Variants in FXYD6 observed in about 807,000 individuals in gnomAD.
FXYD6 encodes the protein FXYD domain-containing ion transport regulator 6.
A neutral mutation model predicts 16.7 loss-of-function variants in FXYD6; 7 were observed. That is an observed-to-expected ratio of 0.42 (90% confidence interval 0.24 to 0.79). The LOEUF is 0.79. Ranked by LOEUF, FXYD6 falls within the 30% of genes least tolerant of loss-of-function variation. The pLI is 0.28. For synonymous variants in FXYD6, 49 were observed against 43.0 expected (o/e 1.14, Z -0.54); for missense variants, 111 against 116.2 (o/e 0.95, Z 0.21).
At chr11:117,860,570 T>G (rs1054683086) in intron 1 of FXYD6, among the ~76,000 whole-genome samples, 1 of 152,080 alleles carries the variant, frequency 6.6e-6, no homozygotes, top group Non-Finnish European at 1.5e-5. Context: ...TTTACTCGGG[T>G]GGGGGATTTT....
At position 117,841,834 on chromosome 11, in the gene FXYD6, C is replaced by G; in HGVS notation, c.129G>C (p.Val43=). 6.2e-7 allele frequency: 1 copy of G among 1,613,958 alleles called. No individual in the cohort carries two copies. The highest frequency in any genetic ancestry group is 8.5e-7 in the Non-Finnish European group (1 of 1,180,022). Residue 43 remains valine (V), a synonymous_variant, in exon 4 of 8, where the codon GTG becomes GTC. Coordinates refer to ENST00000526014, the MANE Select transcript of FXYD6 (RefSeq NM_022003.4). The part of the protein sequence containing the change: ...DYQTLRIGGL[V]FAVVLFSVGI... ...CAACCGAGAAGAGGACCACAGCGAA[C>G]ACCAGTCCCCCAATCCTCAGGGTCT...
chr11:117,874,583 G>C (rs560265970), intron 1 of FXYD6, among the ~76,000 whole-genome samples: 77 of 152,288 alleles, frequency 5.1e-4, no homozygotes, highest in Non-Finnish European at 8.7e-4. Context: ...CCCTGGCCTG[G>C]CCTCCTTGGC....
intron 1 of FXYD6, among the ~76,000 whole-genome samples, chr11:117,850,040 A>T (rs116493532): frequency 9.2e-5 from 14 of 152,328 alleles, no homozygotes; most frequent in African/African-American, 3.4e-4. Context: ...GAATGCCACA[A>T]ACCCTGACTA....
At chr11:117,865,415 C>G (rs1327774747) in intron 1 of FXYD6, among the ~76,000 whole-genome samples, 1 of 152,198 alleles carries the variant, frequency 6.6e-6, no homozygotes, top group Non-Finnish European at 1.5e-5. Context: ...TTTGTAAACC[C>G]ATGTTCATAG....
chr11:117,841,043 G>T, intron 5 of FXYD6, 105 bp downstream of exon 5: 1 of 1,461,470 alleles, frequency 6.8e-7, no homozygotes, highest in Non-Finnish European at 9.4e-7. Context: ...TTCTGCCTCC[G>T]AGACAAGAAT....
chr11:117,837,927 G>T lies in FXYD6; in HGVS notation c.*372C>A. ...AGGGCCACGGGGGCAGGGAGGAGCA[G>T]ATGGCCATGTGGCTCAGCCCCTGCC... On this transcript the variant is annotated 3_prime_UTR_variant, in exon 8 of 8. Coordinates refer to ENST00000526014, the MANE Select transcript of FXYD6 (RefSeq NM_022003.4). The surrounding 1 kb of genome is among the most constrained non-coding windows in gnomAD (Gnocchi z 4.4). 2.2e-6 allele frequency: 1 copy of T among 459,972 alleles called. No homozygotes were observed. The highest frequency in any genetic ancestry group is 3.8e-5 in the East Asian group (1 of 26,440). 28.5% of individuals were successfully genotyped at this position (459,972 alleles called of 1,614,324 possible). A position where few individuals can be genotyped will look rare whatever the true frequency, so the allele number is the denominator to read the frequency against.
intron 1 of FXYD6, chr11:117,868,874 T>C (rs948444755): frequency 6.6e-6 from 1 of 152,166 alleles, no homozygotes; most frequent in African/African-American, 2.4e-5. Flanking sequence ...CTCAACCCCA[T>C]CCCAGCACTC....
At chr11:117,846,735 G>C (rs2056479465) in intron 1 of FXYD6, among the ~76,000 whole-genome samples, 1 of 152,158 alleles carries the variant, frequency 6.6e-6, no homozygotes, top group South Asian at 2.1e-4. Flanking sequence ...CAATTTGTCT[G>C]TACTGCATTA....
At chr11:117,845,092 G>A (rs1339040185) in intron 1 of FXYD6, among the ~76,000 whole-genome samples, 2 of 152,066 alleles carry the variant, frequency 1.3e-5, no homozygotes, top group Non-Finnish European at 2.9e-5. Flanking sequence ...CACCAATCTC[G>A]GGTTCCAAGA....
chr11:117,865,116 T>C (rs2056987293), intron 1 of FXYD6, among the ~76,000 whole-genome samples: 1 of 152,160 alleles, frequency 6.6e-6, no homozygotes, highest in Non-Finnish European at 1.5e-5. Context: ...GGAAAGATGC[T>C]CAACCTCAAT....
chr11:117,848,397 A>ATT lies in FXYD6; in HGVS notation c.-5-5618_-5-5617dup, dbSNP rs57830951. Among the ~76,000 whole-genome samples the ATT allele has an allele frequency of 7.9e-4, 116 of 147,182 alleles. No individual in the cohort carries two copies. In the Middle Eastern group the frequency reaches 0.011, roughly 14 times the overall value. ...TCCCTGCATTTCTGAAATGAAACCA[A>ATT]TTTTTTTTTTTTTTTTAATAAACAG... is the stretch of plus-strand genomic sequence containing the variant. On this transcript the variant is annotated intron_variant, in intron 1 of 7. Coordinates refer to ENST00000526014, the MANE Select transcript of FXYD6 (RefSeq NM_022003.4).
intron 2 of FXYD6, 104 bp downstream of exon 2, chr11:117,842,613 TGA>T: frequency 1.7e-6 from 2 of 1,163,038 alleles, no homozygotes; most frequent in South Asian, 1.4e-5. Flanking sequence ...ATGAAGAACG[TGA>T]GAGTCCCCCA....
rs562684668 is a variant in FXYD6, at chr11:117,874,622, C to T, written c.-6+1970G>A. On this transcript the variant is annotated intron_variant, in intron 1 of 7. Coordinates refer to ENST00000526014, the MANE Select transcript of FXYD6 (RefSeq NM_022003.4). ...CCTGGGACAGTAACCACTTTTCCTT[C>T]TCTCCTTTGTTAGGGCTCAGAGCCT... Among the ~76,000 whole-genome samples, 6 of 152,368 alleles carry T rather than the reference C, an allele frequency of 3.9e-5. No individual in the cohort carries two copies. The East Asian group carries it at 1.2e-3, about 29-fold the overall frequency.
intron 1 of FXYD6, among the ~76,000 whole-genome samples, chr11:117,853,121 AC>A (rs2056645374): frequency 6.6e-6 from 1 of 152,104 alleles, no homozygotes; most frequent in South Asian, 2.1e-4. Flanking sequence ...GTCAAAATCT[AC>A]TTTTTGTTTC....
chr11:117,867,283 T>C (rs2057031933), intron 1 of FXYD6, among the ~76,000 whole-genome samples: 1 of 152,248 alleles, frequency 6.6e-6, no homozygotes, highest in South Asian at 2.1e-4. Context: ...ACACAATCCC[T>C]GCCTCCCTGC....
chr11:117,858,609 G>T (rs1432772409), intron 1 of FXYD6, among the ~76,000 whole-genome samples: 1 of 151,916 alleles, frequency 6.6e-6, no homozygotes, highest in South Asian at 2.1e-4. Context: ...AAAACGGAGA[G>T]TCGATTCTGC....
intron 1 of FXYD6, among the ~76,000 whole-genome samples, chr11:117,858,685 TTC>T (rs1449193120): frequency 2.3e-5 from 2 of 86,954 alleles, no homozygotes; most frequent in African/African-American, 1.0e-4. Flanking sequence ...CTTTCTTTCT[TTC>T]TTTCTTTCTT....
intron 1 of FXYD6, among the ~76,000 whole-genome samples, chr11:117,856,644 T>C (rs2056735017): frequency 6.6e-6 from 1 of 152,250 alleles, no homozygotes; most frequent in Middle Eastern, 3.4e-3. Flanking sequence ...TGCAAAGGGA[T>C]ATGATTTAGC....
chr11:117,842,749 T>C lies in FXYD6; in HGVS notation c.28A>G (p.Ser10Gly). 6.4e-7 allele frequency: 1 copy of C among 1,570,112 alleles called. No homozygotes were observed. The highest frequency in any genetic ancestry group is 1.4e-5 in the African/African-American group (1 of 74,014). Reference sequence around the variant, plus strand: ...GCCAGGACCATGGGGGCCAGCAGGCTGCAGAGGAAGACCAGCACCAACTCC... The same window carrying C: ...GCCAGGACCATGGGGGCCAGCAGGCCGCAGAGGAAGACCAGCACCAACTCC... The part of the protein sequence containing the change: MELVLVFLC[S>G]LLAPMVLASA... Residue 10 changes from serine (S) to glycine (G), a missense_variant, in exon 2 of 8, where the codon AGC becomes GGC. Physicochemically the swap from Ser to Gly is moderately conservative, Grantham distance 56. Transcript: ENST00000526014.
Sources: gnomAD v4.1 joint callset for allele counts (sites outside exome capture counted in the v4.1 genomes callset) on GRCh38, gnomAD v4.1.1 for gene constraint, Gnocchi (gnomAD v3.1) non-coding constraint, MANE v1.5 for transcripts, NCBI Gene and HGNC (gene_info 2026-07-23, HGNC 2026-07-21) for gene names.